MAP2K1: variants seen among roughly 807,000 people sequenced by gnomAD.
The protein encoded by MAP2K1 is dual specificity mitogen-activated protein kinase kinase 1.
A neutral mutation model predicts 46.3 loss-of-function variants in MAP2K1; 16 were observed. The observed-to-expected ratio is 0.35, with a 90% CI of 0.23 to 0.52. The LOEUF (loss-of-function observed/expected upper bound fraction) is 0.52, where lower values mean the gene tolerates loss of function less well. Ranked by LOEUF, MAP2K1 falls within the 20% of genes least tolerant of loss-of-function variation. The pLI, the probability that MAP2K1 is intolerant of heterozygous loss-of-function variation, is 0.94. For missense variants in MAP2K1, 263 were observed against 497.1 expected, an observed-to-expected ratio of 0.53 and a Z score of 4.48; for synonymous variants, 183 against 185.6, an observed-to-expected ratio of 0.99 and a Z score of 0.11.
chr15:66,484,139 A>ACC (rs371480535), intron 6 of MAP2K1, among the ~76,000 whole-genome samples: 119 of 141,404 alleles, frequency 8.4e-4, no homozygotes, highest in African/African-American at 2.6e-3. Context: ...ATCAGCCACC[A>ACC]CCCCCCCCCA....
At chr15:66,426,943 G>A (rs1432441) in intron 1 of MAP2K1, among the ~76,000 whole-genome samples, 42,145 of 152,114 alleles carry the variant, frequency 0.28, 6,505 homozygotes, top group South Asian at 0.37. Flanking sequence ...GTGTTATATG[G>A]TTTGAAGCCC....
intron 1 of MAP2K1, among the ~76,000 whole-genome samples, chr15:66,393,545 T>C (rs1400099687): frequency 6.6e-6 from 1 of 152,232 alleles, no homozygotes; most frequent in Non-Finnish European, 1.5e-5. Flanking sequence ...TCTCAAGATC[T>C]CACTTTTTCT....
intron 10 of MAP2K1, chr15:66,490,168 T>C (rs1893200615): frequency 1.9e-6 from 1 of 514,454 alleles, no homozygotes; most frequent in Non-Finnish European, 3.5e-6. Flanking sequence ...TGGACAGCCA[T>C]AGACGGTGTA....
intron 5 of MAP2K1, among the ~76,000 whole-genome samples, chr15:66,466,733 G>C (rs929722304): frequency 2.0e-5 from 3 of 151,998 alleles, no homozygotes; most frequent in Non-Finnish European, 2.9e-5. Context: ...AAAAGTTTCC[G>C]TGACTCTGAA....
chr15:66,439,806 G>T (rs2093498620), intron 3 of MAP2K1, among the ~76,000 whole-genome samples: 1 of 151,618 alleles, frequency 6.6e-6, no homozygotes, highest in Non-Finnish European at 1.5e-5. Context: ...GTGGAGGCAG[G>T]TGCCTATAAT....
At chr15:66,399,310 C>G (rs191183393) in intron 1 of MAP2K1, among the ~76,000 whole-genome samples, 1 of 152,032 alleles carries the variant, frequency 6.6e-6, no homozygotes, top group Admixed American at 6.5e-5. Flanking sequence ...TAAAAAGTAC[C>G]CCAAAAGCAA....
In MAP2K1 at chr15:66,489,480, G is replaced by A. The variant is rs1244351637; in HGVS notation, c.1022+204G>A. 4.5e-6 allele frequency: 3 copies of A among 668,892 alleles called. No individual in the cohort carries two copies. The Admixed American group carries it at 7.2e-5, about 16-fold the overall frequency. The allele number at this position is 668,892 out of a possible 1,614,324, so 41.4% of individuals were successfully genotyped here. A position where few individuals can be genotyped will look rare whatever the true frequency, so the allele number is the denominator to read the frequency against. ...GTCTAACTACATCATGGATGTAGTA[G>A]CTGCTCCTTTTGGTACTTGCTCTCC... On this transcript the variant is annotated intron_variant, in intron 9 of 10. Transcript: ENST00000307102.
intron 3 of MAP2K1, among the ~76,000 whole-genome samples, chr15:66,440,045 A>G (rs1385251940): frequency 2.0e-5 from 3 of 151,950 alleles, no homozygotes; most frequent in Non-Finnish European, 4.4e-5. Context: ...TTGGTTTACC[A>G]TATATCCATT....
At chr15:66,412,868 TTTTA>T (rs1057224167) in intron 1 of MAP2K1, among the ~76,000 whole-genome samples, 3 of 151,590 alleles carry the variant, frequency 2.0e-5, no homozygotes, top group African/African-American at 4.8e-5. Context: ...CTTGTGGAAA[TTTTA>T]TTTATTTATT....
chr15:66,490,001 C>A, intron 10 of MAP2K1: 1 of 598,370 alleles, frequency 1.7e-6, no homozygotes, highest in Non-Finnish European at 3.0e-6. Flanking sequence ...CTGAGGGGGC[C>A]ATGGGAAAGA....
intron 2 of MAP2K1, among the ~76,000 whole-genome samples, chr15:66,435,770 T>C (rs1271881765): frequency 1.3e-5 from 2 of 152,220 alleles, no homozygotes; most frequent in Non-Finnish European, 2.9e-5. Context: ...GTGGAAGGAA[T>C]GCCAGGATAC....
chr15:66,461,521 T>TAAATA (rs1417396065), intron 5 of MAP2K1, among the ~76,000 whole-genome samples: 1 of 147,228 alleles, frequency 6.8e-6, no homozygotes, highest in Non-Finnish European at 1.5e-5. Flanking sequence ...AATAATAAAA[T>TAAATA]AATAATAGAG....
intron 1 of MAP2K1, among the ~76,000 whole-genome samples, chr15:66,410,728 G>A (rs772266540): frequency 1.3e-5 from 2 of 152,124 alleles, no homozygotes; most frequent in South Asian, 2.1e-4. Flanking sequence ...ACAGGTTTGC[G>A]GTCCTCTCTA....
intron 1 of MAP2K1, among the ~76,000 whole-genome samples, chr15:66,419,899 C>CAAA (rs35562020): frequency 6.6e-5 from 10 of 150,438 alleles, no homozygotes; most frequent in African/African-American, 2.4e-4. Flanking sequence ...ATGACATAAA[C>CAAA]AAAAAAAAAG....
intron 10 of MAP2K1, chr15:66,490,252 G>C (rs1025779395): frequency 4.8e-6 from 3 of 629,526 alleles, no homozygotes; most frequent in Admixed American, 5.0e-5. Context: ...ATTTAAGGCA[G>C]AGTTACTGTC....
At position 66,489,706 on chromosome 15, in the gene MAP2K1, T is replaced by C. The variant is rs1893177303; in HGVS notation, c.1023-12T>C. ...CAGGCAACAGCTCTTACCTTGTCTT[T>C]CTTCCTTTAAGCTTAATAAAAAACC... On this transcript the variant is annotated splice_polypyrimidine_tract_variant and intron_variant, in intron 9 of 10. Coordinates refer to ENST00000307102, the MANE Select transcript of MAP2K1 (RefSeq NM_002755.4). 1.2e-6 allele frequency: 2 copies of C among 1,611,590 alleles called. No homozygotes were observed. Among genetic ancestry groups the C allele is most frequent in the Non-Finnish European group, 1.7e-6 (2 of 1,177,768 alleles).
chr15:66,393,841 ACTTC>A (rs2093362015), intron 1 of MAP2K1, among the ~76,000 whole-genome samples: 1 of 152,088 alleles, frequency 6.6e-6, no homozygotes, highest in African/African-American at 2.4e-5. Flanking sequence ...TTGCTTCCTC[ACTTC>A]CTTCACCCCT....
intron 5 of MAP2K1, among the ~76,000 whole-genome samples, chr15:66,473,362 C>G (rs1892684251): frequency 6.6e-6 from 1 of 152,020 alleles, no homozygotes; most frequent in Admixed American, 6.6e-5. Flanking sequence ...CTTGCTTGAG[C>G]CCAAGGGTTT....
chr15:66,480,874 A>AC (rs1363216038), intron 5 of MAP2K1, among the ~76,000 whole-genome samples: 1 of 152,150 alleles, frequency 6.6e-6, no homozygotes, highest in Non-Finnish European at 1.5e-5. Context: ...TGGTTTGCTC[A>AC]CCTATAAATG....
Sources: allele counts gnomAD v4.1 joint callset (sites outside exome capture counted in the v4.1 genomes callset), GRCh38; gene constraint gnomAD v4.1.1; transcripts MANE v1.5; gene names NCBI Gene and HGNC (gene_info 2026-07-23, HGNC 2026-07-21).